ADD1: variants seen among roughly 807,000 people sequenced by gnomAD.
ADD1 encodes alpha-adducin.
A neutral mutation model predicts 80.5 loss-of-function variants in ADD1; 24 were observed. The observed-to-expected ratio is 0.30, with a 90% CI of 0.22 to 0.42. The LOEUF is 0.42. Among genes scored for constraint, ADD1 ranks in the 10% least tolerant of loss-of-function variants. The probability of loss-of-function intolerance (pLI) is 1.00; values close to 1 mark genes in which losing one functional copy is unlikely to be tolerated. For missense variants in ADD1, 948 were observed against 1,019.0 expected (o/e 0.93, Z 0.95); for synonymous variants, 373 against 393.8 (o/e 0.95, Z 0.63).
intron 4 of ADD1, among the ~76,000 whole-genome samples, chr4:2,892,736 G>C (rs933161552): frequency 1.3e-5 from 2 of 151,940 alleles, no homozygotes; most frequent in Non-Finnish European, 2.9e-5. Flanking sequence ...TCAGGAGGCT[G>C]AGATGTGTGG....
intron 4 of ADD1, among the ~76,000 whole-genome samples, chr4:2,886,530 C>T (rs1314036140): frequency 1.3e-5 from 2 of 152,212 alleles, no homozygotes; most frequent in Non-Finnish European, 1.5e-5. Flanking sequence ...CAGTTACCCC[C>T]ATTCATTCTG....
intron 4 of ADD1, among the ~76,000 whole-genome samples, chr4:2,885,829 C>G (rs113742287): frequency 6.6e-6 from 1 of 152,068 alleles, no homozygotes; most frequent in East Asian, 1.9e-4. Flanking sequence ...CCAGGATGGT[C>G]TCGATCTCCT....
chr4:2,872,470 C>T (rs1316879737), intron 1 of ADD1, among the ~76,000 whole-genome samples: 2 of 152,206 alleles, frequency 1.3e-5, no homozygotes, highest in Non-Finnish European at 2.9e-5. Context: ...TAGTTTGCCA[C>T]TTAATATGTT....
chr4:2,926,106 G>T lies in ADD1; in HGVS notation c.2041G>T (p.Glu681Ter). ...HPPPSTPIKLEEDLVPEPTTG... is the reference protein window; with the variant it reads ...HPPPSTPIKL The stretch of plus-strand genomic sequence containing the variant: ...GCCTCCCAGCACTCCCATCAAGCTG[G>T]AGGAAGGTGAGCTCTGGGTGGCAGC... Residue 681 changes from glutamate to a stop codon, truncating the protein, a stop_gained, in exon 15 of 16, where the codon GAG becomes TAG. Coordinates refer to ENST00000683351, the MANE Select transcript of ADD1 (RefSeq NM_001354761.2). LOFTEE classifies it low-confidence loss of function (END_TRUNC). The surrounding 1 kb of genome is among the most constrained non-coding windows in gnomAD (Gnocchi z 5.0). The T allele has an allele frequency of 6.2e-7, 1 of 1,613,992 alleles. No individual in the cohort carries two copies. Among genetic ancestry groups the T allele is most frequent in the African/African-American group, 1.3e-5 (1 of 75,060 alleles).
In ADD1 at chr4:2,909,436, T is replaced by C. The variant is rs1168714382; in HGVS notation, c.1791+5T>C. 5 of 1,547,518 alleles carry C rather than the reference T, an allele frequency of 3.2e-6. No individual in the cohort carries two copies. The highest frequency in any genetic ancestry group is 2.0e-5 in the Admixed American group (1 of 50,980). On this transcript the variant is annotated splice_donor_5th_base_variant and intron_variant, in intron 13 of 15. Transcript: ENST00000683351. ...AAATCTCTCTCTTTTAGAAAGGTACTCACTGCCCTGTCCTCACTACCTGTC... is the reference window on the plus strand; with the variant it reads ...AAATCTCTCTCTTTTAGAAAGGTACCCACTGCCCTGTCCTCACTACCTGTC...
In ADD1 at chr4:2,915,059, G is replaced by A. The variant is rs1738761254; in HGVS notation, c.1948+19G>A. 1.3e-6 allele frequency: 2 copies of A among 1,596,704 alleles called. No homozygotes were observed. The highest frequency in any genetic ancestry group is 1.7e-4 in the Middle Eastern group (1 of 5,996). On this transcript the variant is annotated intron_variant, in intron 14 of 15. Transcript: ENST00000683351. ...TCTGAAGGTGAGTGCTTGTGGTCCT[G>A]GGCACGGCCACTCCAGAAGGTGAAA...
Position 2,849,088 on chromosome 4 carries a change from A to C in ADD1, c.-21+5064A>C, listed in dbSNP as rs375666086. Among the ~76,000 whole-genome samples, 166 of 152,308 alleles carry C rather than the reference A, an allele frequency of 1.1e-3. 1 individual carries two copies. The highest frequency in any genetic ancestry group is 3.6e-3 in the Admixed American group (55 of 15,290). On this transcript the variant is annotated intron_variant, in intron 1 of 15. Transcript: ENST00000683351. ...TTCCAGATTATCCTCCTAAGAAGTT[A>C]CGTTGGTTTATACTCCTACCAACTG...
At chr4:2,923,084 T>C (rs931008157) in intron 14 of ADD1, among the ~76,000 whole-genome samples, 2 of 152,232 alleles carry the variant, frequency 1.3e-5, no homozygotes, top group Admixed American at 1.3e-4. Context: ...TCCATGGGGG[T>C]GGGATCTGCT....
At chr4:2,866,554 T>G (rs1373158681) in intron 1 of ADD1, among the ~76,000 whole-genome samples, 1 of 152,158 alleles carries the variant, frequency 6.6e-6, no homozygotes, top group Admixed American at 6.5e-5. Context: ...AATGATTTTG[T>G]GTTCTTTTAT....
chr4:2,899,839 CTG>C (rs1735881578), intron 9 of ADD1: 1 of 333,452 alleles, frequency 3.0e-6, no homozygotes, highest in Middle Eastern at 1.1e-3. Flanking sequence ...GGCCTGATGA[CTG>C]TGTTCCATGG....
At chr4:2,855,296 G>T (rs977659656) in intron 1 of ADD1, among the ~76,000 whole-genome samples, 3 of 151,756 alleles carry the variant, frequency 2.0e-5, no homozygotes, top group Admixed American at 6.6e-5. Context: ...CTTTTAACTG[G>T]CATAATTTAG....
intron 1 of ADD1, among the ~76,000 whole-genome samples, chr4:2,871,785 T>A (rs187832567): frequency 2.6e-5 from 4 of 152,330 alleles, no homozygotes; most frequent in Admixed American, 2.0e-4. Context: ...CATTTCTGTA[T>A]CTAATATAAT....
chr4:2,904,333 A>G (rs1282748928), intron 9 of ADD1, among the ~76,000 whole-genome samples: 2 of 152,152 alleles, frequency 1.3e-5, no homozygotes, highest in Admixed American at 6.5e-5. Flanking sequence ...TCCCAGGACA[A>G]CCAAAACAAA....
intron 1 of ADD1, among the ~76,000 whole-genome samples, chr4:2,862,610 C>T (rs1289879175): frequency 6.6e-6 from 1 of 152,174 alleles, no homozygotes; most frequent in Non-Finnish European, 1.5e-5. Context: ...ACCTGTTTGT[C>T]TGTGAGTCCT....
chr4:2,876,848 A>T (rs796937876), intron 2 of ADD1, among the ~76,000 whole-genome samples: 1 of 151,760 alleles, frequency 6.6e-6, no homozygotes, highest in Non-Finnish European at 1.5e-5. Context: ...CAAAAAAAAA[A>T]AAAATTAGCC....
chr4:2,877,001 C>CAAAAAAAAAAAAAAAAAAAAAAAA (rs397879163), intron 2 of ADD1, among the ~76,000 whole-genome samples: 1 of 118,112 alleles, frequency 8.5e-6, no homozygotes, highest in Non-Finnish European at 1.8e-5. Flanking sequence ...GACTCTGTCT[C>CAAAAAAAAAAAAAAAAAAAAAAAA]AAAAAAAAAA....
Position 2,925,995 on chromosome 4 carries a change from C to G in ADD1, c.1949-19C>G, listed in dbSNP as rs763041218. On this transcript the variant is annotated intron_variant, in intron 14 of 15. Transcript: ENST00000683351. The stretch of plus-strand genomic sequence containing the variant: ...GTGGCGTCCACAGCTCCTACCATAT[C>G]CTTCTTGCTTCTCTGCAGAGAATCT... 241 of 1,611,172 alleles carry G rather than the reference C, an allele frequency of 1.5e-4. No individual in the cohort carries two copies. Among genetic ancestry groups the G allele is most frequent in the Non-Finnish European group, 2.0e-4 (230 of 1,177,748 alleles).
chr4:2,852,288 TTTC>T (rs1465366910), intron 1 of ADD1, among the ~76,000 whole-genome samples: 4 of 134,014 alleles, frequency 3.0e-5, no homozygotes, highest in South Asian at 2.3e-4. Context: ...CTTCTTTTCT[TTTC>T]TTTTCTTTTC....
intron 14 of ADD1, among the ~76,000 whole-genome samples, chr4:2,921,773 A>G (rs1369607343): frequency 6.6e-6 from 1 of 152,122 alleles, no homozygotes; most frequent in East Asian, 1.9e-4. Context: ...CAGGCACACC[A>G]ATCAAATGTA....
Sources: allele counts gnomAD v4.1 joint callset (sites outside exome capture counted in the v4.1 genomes callset), GRCh38; gene constraint gnomAD v4.1.1; non-coding constraint Gnocchi (gnomAD v3.1); transcripts MANE v1.5; gene names NCBI Gene and HGNC (gene_info 2026-07-23, HGNC 2026-07-21).